The following NFXL1 variants were observed in gnomAD, a reference collection of about 807,000 sequenced individuals.
NFXL1 encodes nuclear transcription factor, X-box binding like 1, also known as NF-X1-type zinc finger protein NFXL1.
Under a neutral mutation model 123.3 loss-of-function variants are expected in NFXL1, and 66 were observed. The ratio of observed to expected loss-of-function variants is 0.54; its 90% CI spans 0.44 to 0.66. The LOEUF (loss-of-function observed/expected upper bound fraction) is 0.66. Ranked by LOEUF, NFXL1 falls within the 30% of genes least tolerant of loss-of-function variation. The probability of loss-of-function intolerance (pLI) is 0.00; values close to 1 mark genes in which losing one functional copy is unlikely to be tolerated. For missense variants in NFXL1, 944 were observed against 1,125.6 expected, an observed-to-expected ratio of 0.84 and a Z score of 2.31; for synonymous variants, 346 against 360.8, an observed-to-expected ratio of 0.96 and a Z score of 0.46.
At chr4:47,879,700 A>C (rs1735969010) in intron 15 of NFXL1, among the ~76,000 whole-genome samples, 1 of 152,210 alleles carries the variant, frequency 6.6e-6, no homozygotes, top group Non-Finnish European at 1.5e-5. Context: ...ATCAAGACAG[A>C]ATGGTACTGA....
intron 17 of NFXL1, among the ~76,000 whole-genome samples, chr4:47,875,537 A>G (rs1293136118): frequency 6.6e-6 from 1 of 152,172 alleles, no homozygotes; most frequent in African/African-American, 2.4e-5. Flanking sequence ...ATTAAGTCAA[A>G]CTGCCTCATT....
intron 12 of NFXL1, among the ~76,000 whole-genome samples, chr4:47,888,884 C>T (rs1578025063): frequency 6.6e-6 from 1 of 152,050 alleles, no homozygotes; most frequent in Admixed American, 6.5e-5. Flanking sequence ...TATGAGACAA[C>T]AAGAAATTTG....
chr4:47,870,810 C>T (rs970443556), intron 18 of NFXL1, among the ~76,000 whole-genome samples: 1 of 151,930 alleles, frequency 6.6e-6, no homozygotes, highest in Non-Finnish European at 1.5e-5. Context: ...CAAGATGAGC[C>T]TGGGCCATTT....
chr4:47,870,380 T>TAC (rs1735360070), intron 18 of NFXL1, among the ~76,000 whole-genome samples: 1 of 152,162 alleles, frequency 6.6e-6, no homozygotes, highest in African/African-American at 2.4e-5. Context: ...TATTTAAATA[T>TAC]ACACACACAC....
At chr4:47,880,032 T>C (rs1735992561) in intron 15 of NFXL1, among the ~76,000 whole-genome samples, 1 of 151,852 alleles carries the variant, frequency 6.6e-6, no homozygotes, top group Admixed American at 6.6e-5. Context: ...GCACAATCCA[T>C]GAAATAAAAA....
At chr4:47,906,316 C>A (rs1285931447) in intron 3 of NFXL1, among the ~76,000 whole-genome samples, 1 of 152,006 alleles carries the variant, frequency 6.6e-6, no homozygotes, top group South Asian at 2.1e-4. Flanking sequence ...CGTAAACTAC[C>A]ATAAGTACAG....
At chr4:47,861,162 A>G (rs1734746582) in intron 19 of NFXL1, among the ~76,000 whole-genome samples, 1 of 152,054 alleles carries the variant, frequency 6.6e-6, no homozygotes, top group Non-Finnish European at 1.5e-5. Context: ...TGCCCGGCCC[A>G]GCAATCTGTG....
intron 4 of NFXL1, among the ~76,000 whole-genome samples, chr4:47,903,646 T>C (rs1737442016): frequency 1.3e-5 from 2 of 152,084 alleles, no homozygotes; most frequent in Admixed American, 1.3e-4. Flanking sequence ...ATAACTGAAA[T>C]GTAACTTTAT....
chr4:47,898,527 T>G (rs1403238675), intron 8 of NFXL1, among the ~76,000 whole-genome samples: 1 of 152,126 alleles, frequency 6.6e-6, no homozygotes, highest in Non-Finnish European at 1.5e-5. Flanking sequence ...ACAAATGTAG[T>G]GAATCCAAAA....
At chr4:47,890,866 T>C (rs1248134631) in intron 11 of NFXL1, among the ~76,000 whole-genome samples, 163 bp from the exon 12 acceptor site, 1 of 152,212 alleles carries the variant, frequency 6.6e-6, no homozygotes, top group African/African-American at 2.4e-5. Context: ...CATACTTCAC[T>C]AAGAACTTAT....
intron 13 of NFXL1, 96 bp downstream of exon 13, chr4:47,885,783 T>C: frequency 6.9e-7 from 1 of 1,441,858 alleles, no homozygotes; most frequent in Non-Finnish European, 9.5e-7. Flanking sequence ...ATATTAATAT[T>C]TTAAAACACT....
chr4:47,908,637 CA>C (rs1355355979), intron 3 of NFXL1, among the ~76,000 whole-genome samples: 1 of 151,748 alleles, frequency 6.6e-6, no homozygotes, highest in African/African-American at 2.4e-5. Context: ...GCCTTATGAT[CA>C]AGGGAAGACA....
intron 6 of NFXL1, 53 bp downstream of exon 6, chr4:47,899,317 T>C (rs2110099936): frequency 1.4e-6 from 2 of 1,474,496 alleles, no homozygotes; most frequent in Non-Finnish European, 1.9e-6. Flanking sequence ...TTTGCCTCAA[T>C]ATAAGAAGAA....
chr4:47,862,759 G>A, intron 19 of NFXL1, 87 bp downstream of exon 19: 2 of 786,946 alleles, frequency 2.5e-6, no homozygotes, highest in Non-Finnish European at 4.3e-6. Flanking sequence ...GAGAAGACCT[G>A]AAATAATTTG....
intron 12 of NFXL1, among the ~76,000 whole-genome samples, chr4:47,887,405 A>G (rs1476056679): frequency 6.6e-6 from 1 of 152,194 alleles, no homozygotes; most frequent in Non-Finnish European, 1.5e-5. Context: ...AACACAAATT[A>G]AGAATTATAA....
At chr4:47,892,194 G>A (rs1326302744) in intron 11 of NFXL1, among the ~76,000 whole-genome samples, 3 of 152,194 alleles carry the variant, frequency 2.0e-5, no homozygotes, top group East Asian at 3.8e-4. Flanking sequence ...AGGCAGCACA[G>A]ATGGCAGTCC....
At chr4:47,897,751 C>T (rs1275343713) in intron 9 of NFXL1, among the ~76,000 whole-genome samples, 1 of 152,128 alleles carries the variant, frequency 6.6e-6, no homozygotes, top group Non-Finnish European at 1.5e-5. Flanking sequence ...CTATTCATCT[C>T]TCTCTCTCTC....
At chr4:47,876,410 AG>A (rs1332384840) in intron 17 of NFXL1, among the ~76,000 whole-genome samples, 4 of 152,164 alleles carry the variant, frequency 2.6e-5, no homozygotes, top group Non-Finnish European at 5.9e-5. Flanking sequence ...ACAACCAGAA[AG>A]GAGAGCTCCA....
At chr4:47,849,869 C>G (rs1734017692) in intron 22 of NFXL1, among the ~76,000 whole-genome samples, 1 of 152,140 alleles carries the variant, frequency 6.6e-6, no homozygotes, top group South Asian at 2.1e-4. Flanking sequence ...CTTTAAATCA[C>G]TCTAGATTTC....
Sources: gnomAD v4.1 joint callset for allele counts (sites outside exome capture counted in the v4.1 genomes callset) on GRCh38, gnomAD v4.1.1 for gene constraint, MANE v1.5 for transcripts, NCBI Gene and HGNC (gene_info 2026-07-23, HGNC 2026-07-21) for gene names.